Variants in SGCD observed in about 807,000 individuals in gnomAD.
SGCD encodes sarcoglycan delta.
Under a neutral mutation model 36.6 loss-of-function variants are expected in SGCD, and 18 were observed. That is an observed-to-expected ratio of 0.49 (90% CI 0.34 to 0.73). The LOEUF is 0.73. Among genes scored for constraint, SGCD ranks in the 30% least tolerant of loss-of-function variants. The pLI, the probability that SGCD is intolerant of heterozygous loss-of-function variation, is 0.01. For synonymous variants in SGCD, 133 were observed against 130.6 expected, an observed-to-expected ratio of 1.02 and a Z score of -0.12; for missense variants, 387 against 346.7, an observed-to-expected ratio of 1.12 and a Z score of -0.92.
chr5:155,751,100 G>A, the SGCD span, among the ~76,000 whole-genome samples: 33 of 152,172 alleles, frequency 2.2e-4, no homozygotes, highest in Non-Finnish European at 3.8e-4. Flanking sequence ...TAACACCTAT[G>A]TGTGTAAATA....
chr5:155,942,583 A>G (rs536098638), intron 1 of SGCD, among the ~76,000 whole-genome samples: 4 of 152,318 alleles, frequency 2.6e-5, no homozygotes, highest in East Asian at 3.9e-4. Context: ...GAAGGCTAAA[A>G]TAATTGAACA....
the SGCD span, among the ~76,000 whole-genome samples, chr5:155,774,519 G>A: frequency 1.3e-5 from 2 of 152,112 alleles, no homozygotes; most frequent in African/African-American, 4.8e-5. Context: ...TCAAAGTGTT[G>A]GCAGGGCTGG....
At chr5:156,128,336 A>T (rs1762229886) in intron 3 of SGCD, among the ~76,000 whole-genome samples, 1 of 152,218 alleles carries the variant, frequency 6.6e-6, no homozygotes, top group African/African-American at 2.4e-5. Context: ...GCAGTTTCTT[A>T]TAAAGTTGTC....
At chr5:155,754,637 T>G in the SGCD span, among the ~76,000 whole-genome samples, 1 of 152,206 alleles carries the variant, frequency 6.6e-6, no homozygotes, top group Non-Finnish European at 1.5e-5. Flanking sequence ...AGTTATAAGG[T>G]GGAACATTAA....
chr5:156,413,511 C>G (rs918806642), intron 3 of SGCD, among the ~76,000 whole-genome samples: 51 of 152,332 alleles, frequency 3.3e-4, no homozygotes, highest in African/African-American at 1.2e-3. Flanking sequence ...GGATCGCACT[C>G]TGTCGCCCAG....
At chr5:155,951,348 G>C (rs1386092428) in intron 1 of SGCD, among the ~76,000 whole-genome samples, 1 of 152,092 alleles carries the variant, frequency 6.6e-6, no homozygotes, top group African/African-American at 2.4e-5. Flanking sequence ...GTAAATCCAT[G>C]AGAAGCGACA....
At chr5:156,212,810 C>T (rs1764479733) in intron 3 of SGCD, among the ~76,000 whole-genome samples, 1 of 151,966 alleles carries the variant, frequency 6.6e-6, no homozygotes, top group Admixed American at 6.6e-5. Flanking sequence ...ATTTTCTGTC[C>T]ACAATGGCCT....
intron 7 of SGCD, among the ~76,000 whole-genome samples, chr5:156,750,551 A>G (rs1757112207): frequency 6.6e-6 from 1 of 151,770 alleles, no homozygotes; most frequent in Admixed American, 6.6e-5. Flanking sequence ...GGTGGTGGGC[A>G]CCTGTAGTCC....
rs147486261 is a variant in SGCD at position 156,509,818 on chromosome 5, C to T, written c.294+1116C>T. ...GGTTTCTTTTAGTGGTTTTATTTTT[C>T]GATTGGTTGGTTTCATTTATTTAGT... On this transcript the variant is annotated intron_variant, in intron 4 of 8. Coordinates refer to ENST00000337851, the MANE Select transcript of SGCD (RefSeq NM_000337.6). 3.1e-3 allele frequency among the ~76,000 whole-genome samples: 477 copies of T among 152,096 alleles called. 1 individual carries two copies. The highest frequency in any genetic ancestry group is 0.01 in the African/African-American group (419 of 41,492).
intron 1 of SGCD, among the ~76,000 whole-genome samples, chr5:155,890,677 T>TAGATAGATAGATAGACAGAC (rs1554102514): frequency 6.6e-6 from 1 of 150,566 alleles, no homozygotes; most frequent in African/African-American, 2.5e-5. Context: ...GATAGATAGA[T>TAGATAGATAGATAGACAGAC]AGACAGATAG....
At chr5:155,902,843 C>A (rs966216623) in intron 1 of SGCD, among the ~76,000 whole-genome samples, 1 of 152,166 alleles carries the variant, frequency 6.6e-6, no homozygotes, top group African/African-American at 2.4e-5. Flanking sequence ...ATTCTGCAGA[C>A]AGATCCCCAA....
At chr5:156,545,125 GT>G (rs1025248199) in intron 4 of SGCD, among the ~76,000 whole-genome samples, 34 of 151,816 alleles carry the variant, frequency 2.2e-4, no homozygotes, top group African/African-American at 7.5e-4. Context: ...GACTTTTTTT[GT>G]TTGTTTGTTT....
chr5:156,604,983 C>A (rs1229443432), intron 6 of SGCD, among the ~76,000 whole-genome samples: 1 of 151,590 alleles, frequency 6.6e-6, no homozygotes, highest in Non-Finnish European at 1.5e-5. Flanking sequence ...TTACATAGTA[C>A]CATTGTAGCA....
chr5:156,137,170 G>A (rs1451660041), intron 3 of SGCD, among the ~76,000 whole-genome samples: 1 of 152,208 alleles, frequency 6.6e-6, no homozygotes, highest in African/African-American at 2.4e-5. Flanking sequence ...AGTTACAGCT[G>A]ATCAGTGGGA....
intron 3 of SGCD, among the ~76,000 whole-genome samples, chr5:156,263,443 A>C (rs1765919430): frequency 6.6e-6 from 1 of 151,344 alleles, no homozygotes. Flanking sequence ...TTTTTTTATG[A>C]AGTTTTTTTT....
At chr5:156,658,666 T>G (rs1482650389) in intron 7 of SGCD, among the ~76,000 whole-genome samples, 1 of 74,656 alleles carries the variant, frequency 1.3e-5, no homozygotes, top group Non-Finnish European at 2.4e-5. Context: ...CTCTTGCTTT[T>G]CCCCACATTT....
At chr5:156,172,599 C>T (rs1479266830) in intron 3 of SGCD, among the ~76,000 whole-genome samples, 3 of 152,094 alleles carry the variant, frequency 2.0e-5, no homozygotes, top group Non-Finnish European at 4.4e-5. Context: ...TGAAATGTTA[C>T]CATTAAACTT....
At chr5:156,345,641 CAT>C (rs1466165938) in intron 3 of SGCD, among the ~76,000 whole-genome samples, 1 of 152,068 alleles carries the variant, frequency 6.6e-6, no homozygotes, top group Non-Finnish European at 1.5e-5. Flanking sequence ...GCCTGGGAAA[CAT>C]AGCAAGACCC....
At chr5:155,793,824 T>G in the SGCD span, among the ~76,000 whole-genome samples, 5 of 151,972 alleles carry the variant, frequency 3.3e-5, no homozygotes, top group Admixed American at 6.6e-5. Context: ...GCTGGAATTA[T>G]GGGGATGAGC....
Sources: gnomAD v4.1 joint callset for allele counts (sites outside exome capture counted in the v4.1 genomes callset) on GRCh38, gnomAD v4.1.1 for gene constraint, MANE v1.5 for transcripts, NCBI Gene and HGNC (gene_info 2026-07-23, HGNC 2026-07-21) for gene names.